KLF8: variants seen among roughly 807,000 people sequenced by gnomAD.
KLF8 encodes Krueppel-like factor 8.
KLF8 carries 10 observed loss-of-function variants against 18.2 expected under a neutral mutation model. The observed-to-expected ratio is 0.55, with a 90% CI of 0.34 to 0.93. The LOEUF (loss-of-function observed/expected upper bound fraction) is 0.93. KLF8 is among the 40% of genes least tolerant of loss of function. The pLI is 0.02. For synonymous variants in KLF8, 109 were observed against 97.3 expected, an observed-to-expected ratio of 1.12 and a Z score of -0.71; for missense variants, 264 against 277.9, an observed-to-expected ratio of 0.95 and a Z score of 0.36.
At chrX:56,058,291 T>TATATATATATATACATATATATATAC in the KLF8 span, among the ~76,000 whole-genome samples, 2 of 21,121 alleles carry the variant, frequency 9.5e-5, no homozygotes, top group African/African-American at 2.4e-4. Flanking sequence ...TATATATATA[T>TATATATATATATACATATATATATAC]ATATATATAT....
At chrX:56,222,716 G>A in the KLF8 span, among the ~76,000 whole-genome samples, 15 of 112,990 alleles carry the variant, frequency 1.3e-4, no homozygotes, top group Non-Finnish European at 2.4e-4. Context: ...GGGCATGGCG[G>A]GCTGCAGGTC....
At chrX:55,953,934 T>C in the KLF8 span, among the ~76,000 whole-genome samples, 1 of 109,437 alleles carries the variant, frequency 9.1e-6, no homozygotes, top group Admixed American at 9.8e-5. Flanking sequence ...AAATTATATA[T>C]ATATGTATAT....
chrX:56,164,757 T>C, the KLF8 span, among the ~76,000 whole-genome samples: 2 of 99,335 alleles, frequency 2.0e-5, no homozygotes, highest in Non-Finnish European at 4.0e-5. Flanking sequence ...TTAACTTTTT[T>C]TTTTTTTATT....
At chrX:56,203,001 A>G in the KLF8 span, among the ~76,000 whole-genome samples, 1 of 110,957 alleles carries the variant, frequency 9.0e-6, no homozygotes, top group Non-Finnish European at 1.9e-5. Flanking sequence ...GGAACCTCCA[A>G]ACTGTTCTTC....
At chrX:55,977,931 TG>T in the KLF8 span, among the ~76,000 whole-genome samples, 1 of 110,400 alleles carries the variant, frequency 9.1e-6, no homozygotes, top group Non-Finnish European at 1.9e-5. Context: ...CTGGATTGGC[TG>T]GGTTTTTTTG....
intron 2 of KLF8, among the ~76,000 whole-genome samples, chrX:56,260,594 G>A (rs781404539): frequency 2.7e-5 from 3 of 111,173 alleles, no homozygotes; most frequent in South Asian, 7.7e-4. Context: ...TAAAATTGCC[G>A]GGTTTGTTAG....
chrX:56,102,785 G>A, the KLF8 span, among the ~76,000 whole-genome samples: 1 of 109,986 alleles, frequency 9.1e-6, no homozygotes, highest in Admixed American at 9.7e-5. Context: ...AAGTTCTAAG[G>A]TACATGTGCA....
rs752474502 is a variant in KLF8, at chrX:56,264,402, T to C, written c.82-778T>C. On this transcript the variant is annotated intron_variant, in intron 2 of 5. Transcript: ENST00000468660. ...TATTGGTTTTTTAAACTAATAAATG[T>C]ATTTATTGGTTTTTTAAACTAATAA... is the stretch of plus-strand genomic sequence containing the variant. Among the ~76,000 whole-genome samples the C allele has an allele frequency of 5.4e-5, 6 of 110,331 alleles. No individual in the cohort carries two copies. In the East Asian group the frequency reaches 1.4e-3, roughly 26 times the overall value.
chrX:56,113,622 G>T, the KLF8 span, among the ~76,000 whole-genome samples: 1 of 55,383 alleles, frequency 1.8e-5, no homozygotes, highest in Non-Finnish European at 3.4e-5. Flanking sequence ...AAGAAAAAAA[G>T]AAATGAAAAA....
the KLF8 span, among the ~76,000 whole-genome samples, chrX:56,129,374 G>A: frequency 0.022 from 2,485 of 112,011 alleles, 82 homozygotes; most frequent in African/African-American, 0.077. Context: ...TGGGAAAGGG[G>A]GATTGTCCAC....
At chrX:56,099,761 C>T in the KLF8 span, among the ~76,000 whole-genome samples, 1 of 111,689 alleles carries the variant, frequency 9.0e-6, no homozygotes, top group Non-Finnish European at 1.9e-5. Context: ...AAGTCCTTAA[C>T]TATTAAATTT....
chrX:55,987,130 C>G, the KLF8 span, among the ~76,000 whole-genome samples: 10 of 108,706 alleles, frequency 9.2e-5, no homozygotes, highest in Admixed American at 3.9e-4. Context: ...CCTTTGGGTA[C>G]ATACCTAGTA....
chrX:56,187,863 A>T, the KLF8 span, among the ~76,000 whole-genome samples: 6 of 111,889 alleles, frequency 5.4e-5, no homozygotes, highest in African/African-American at 1.9e-4. Context: ...AGGTATTGAC[A>T]GGACGTATCT....
the KLF8 span, among the ~76,000 whole-genome samples, chrX:56,071,378 TAAG>T: frequency 9.0e-6 from 1 of 111,439 alleles, no homozygotes; most frequent in African/African-American, 3.3e-5. Flanking sequence ...TTAAGTGGCA[TAAG>T]AAGATCACAG....
At chrX:56,016,162 C>A in the KLF8 span, among the ~76,000 whole-genome samples, 1 of 111,653 alleles carries the variant, frequency 9.0e-6, no homozygotes, top group Non-Finnish European at 1.9e-5. Context: ...AACTGTGTGA[C>A]CTTGGGCAAA....
the KLF8 span, among the ~76,000 whole-genome samples, chrX:56,030,176 T>C: frequency 8.9e-6 from 1 of 111,770 alleles, no homozygotes; most frequent in Non-Finnish European, 1.9e-5. Flanking sequence ...GTTGGTGGCC[T>C]TTTGAGCCCC....
chrX:55,936,947 G>A, the KLF8 span, among the ~76,000 whole-genome samples: 19 of 112,195 alleles, frequency 1.7e-4, no homozygotes, highest in African/African-American at 6.1e-4. Flanking sequence ...CACCTCTGGG[G>A]GCAGGGCACA....
chrX:56,107,408 G>A, the KLF8 span, among the ~76,000 whole-genome samples: 15 of 111,576 alleles, frequency 1.3e-4, no homozygotes, highest in South Asian at 7.5e-4. Context: ...TTGTTTACCT[G>A]CTCAAGCCTC....
At chrX:56,255,669 C>T (rs746867276) in intron 2 of KLF8, among the ~76,000 whole-genome samples, 1 of 112,276 alleles carries the variant, frequency 8.9e-6, no homozygotes, top group Non-Finnish European at 1.9e-5. Context: ...TTTAATCCTT[C>T]ATTCTGTTGA....
Sources: gnomAD v4.1 joint callset for allele counts (sites outside exome capture counted in the v4.1 genomes callset) on GRCh38, gnomAD v4.1.1 for gene constraint, MANE v1.5 for transcripts, NCBI Gene and HGNC (gene_info 2026-07-23, HGNC 2026-07-21) for gene names.